POU6F2: variants seen among roughly 807,000 people sequenced by gnomAD.
The protein encoded by POU6F2 is POU domain, class 6, transcription factor 2.
Under a neutral mutation model 71.3 loss-of-function variants are expected in POU6F2, and 31 were observed. That is an observed-to-expected ratio of 0.43 (90% confidence interval 0.33 to 0.59). The LOEUF is 0.59. POU6F2 is among the 20% of genes least tolerant of loss of function. The pLI is 0.04. For synonymous variants in POU6F2, 347 were observed against 355.7 expected (o/e 0.98, Z 0.27); for missense variants, 783 against 856.8 (o/e 0.91, Z 1.07).
chr7:39,052,656 C>T (rs917317770), intron 1 of POU6F2, among the ~76,000 whole-genome samples: 1 of 152,028 alleles, frequency 6.6e-6, no homozygotes, highest in African/African-American at 2.4e-5. Flanking sequence ...GACACAGAGC[C>T]AAACCGTATC....
intron 1 of POU6F2, among the ~76,000 whole-genome samples, chr7:39,003,071 T>C (rs1788957899): frequency 6.6e-6 from 1 of 152,212 alleles, no homozygotes; most frequent in African/African-American, 2.4e-5. Context: ...GAATCTCAGT[T>C]ATTTAGTTAA....
At chr7:39,391,192 C>A (rs184899570) in intron 5 of POU6F2, among the ~76,000 whole-genome samples, 126 of 152,130 alleles carry the variant, frequency 8.3e-4, no homozygotes, top group South Asian at 1.7e-3. Flanking sequence ...TTTCTTGAAA[C>A]CTCTGATGAC....
At chr7:39,246,933 C>T (rs1783832190) in intron 4 of POU6F2, among the ~76,000 whole-genome samples, 1 of 73,346 alleles carries the variant, frequency 1.4e-5, no homozygotes, top group Non-Finnish European at 2.3e-5. Flanking sequence ...TTTTTTGCGA[C>T]GGAGTTTTGT....
chr7:39,221,233 A>G (rs1211038073), intron 4 of POU6F2, among the ~76,000 whole-genome samples: 1 of 152,038 alleles, frequency 6.6e-6, no homozygotes, highest in African/African-American at 2.4e-5. Context: ...TAAATTGTGG[A>G]CCTTCAAGCA....
intron 4 of POU6F2, among the ~76,000 whole-genome samples, chr7:39,248,758 C>A (rs1429883006): frequency 6.6e-6 from 1 of 152,162 alleles, no homozygotes; most frequent in African/African-American, 2.4e-5. Flanking sequence ...AATTTAGAGA[C>A]TAAACTACTT....
At chr7:39,379,739 T>G (rs1472700636) in intron 5 of POU6F2, among the ~76,000 whole-genome samples, 1 of 152,190 alleles carries the variant, frequency 6.6e-6, no homozygotes, top group East Asian at 1.9e-4. Flanking sequence ...CTCATCGTTT[T>G]CCCATCCTGC....
intron 4 of POU6F2, among the ~76,000 whole-genome samples, chr7:39,233,515 G>A (rs1012496153): frequency 2.0e-5 from 3 of 152,096 alleles, no homozygotes; most frequent in African/African-American, 4.8e-5. Flanking sequence ...GGTCTGTCCC[G>A]AGGCTGATCT....
chr7:39,015,135 A>G lies in POU6F2; in HGVS notation c.105+37077A>G, dbSNP rs545837503. ...GGAGCAGAATTTTAAAAATATATCA[A>G]TGCCTAACAATTTCTTATTCTTAGA... is the stretch of plus-strand genomic sequence containing the variant. On this transcript the variant is annotated intron_variant, in intron 1 of 9. Transcript: ENST00000518318. 3.3e-5 allele frequency among the ~76,000 whole-genome samples: 5 copies of G among 151,084 alleles called. No individual in the cohort carries two copies. The East Asian group carries it at 7.7e-4, about 23-fold the overall frequency.
At chr7:39,085,772 GAA>G (rs2128720861) in intron 1 of POU6F2, 86 bp from the exon 2 acceptor site, 2 of 1,308,812 alleles carry the variant, frequency 1.5e-6, no homozygotes, top group East Asian at 2.5e-5. Context: ...GAGAGAGAGA[GAA>G]GAGAGAGGGA....
rs1015406699 is a variant in POU6F2, at chr7:39,236,415, G to T, written c.598+28795G>T. On this transcript the variant is annotated intron_variant, in intron 4 of 9. Transcript: ENST00000518318. ...GTATTCCTGCCTTCAGATTGTGTTT[G>T]CATTTTTTTTCTCATCTTTGTGGTT... Among the ~76,000 whole-genome samples, 6 of 152,060 alleles carry T rather than the reference G, an allele frequency of 3.9e-5. No homozygotes were observed. The East Asian group carries it at 1.2e-3, about 29-fold the overall frequency.
At chr7:39,195,611 C>G (rs1387247615) in intron 2 of POU6F2, among the ~76,000 whole-genome samples, 1 of 151,112 alleles carries the variant, frequency 6.6e-6, no homozygotes, top group Non-Finnish European at 1.5e-5. Flanking sequence ...CTTTAGGCTT[C>G]GGTTTCCAGT....
chr7:39,309,449 A>G (rs945706824), intron 4 of POU6F2, among the ~76,000 whole-genome samples: 2 of 152,118 alleles, frequency 1.3e-5, no homozygotes, highest in African/African-American at 2.4e-5. Context: ...GGTGAAGGAA[A>G]CCCTCAAATA....
chr7:39,304,125 TA>T (rs1261602812), intron 4 of POU6F2, among the ~76,000 whole-genome samples: 4 of 152,146 alleles, frequency 2.6e-5, no homozygotes, highest in Non-Finnish European at 5.9e-5. Context: ...TGTAAAAATG[TA>T]AAAGAACTTT....
chr7:39,425,662 TCTG>T (rs1416313658), intron 6 of POU6F2, among the ~76,000 whole-genome samples: 2 of 152,186 alleles, frequency 1.3e-5, no homozygotes, highest in Non-Finnish European at 2.9e-5. Flanking sequence ...GAAAATATAT[TCTG>T]CTCACAATTT....
intron 7 of POU6F2, among the ~76,000 whole-genome samples, chr7:39,447,284 C>T (rs1788547244): frequency 6.6e-6 from 1 of 152,140 alleles, no homozygotes; most frequent in Admixed American, 6.5e-5. Flanking sequence ...GGCTGATCAA[C>T]TTGAAAGTGT....
chr7:39,163,939 T>C (rs1793054202), intron 2 of POU6F2, among the ~76,000 whole-genome samples: 1 of 152,118 alleles, frequency 6.6e-6, no homozygotes, highest in African/African-American at 2.4e-5. Flanking sequence ...GGGAGAGGGA[T>C]GAAGTCCGGG....
At chr7:39,205,266 G>A (rs529051252) in intron 3 of POU6F2, among the ~76,000 whole-genome samples, 124 of 152,146 alleles carry the variant, frequency 8.2e-4, no homozygotes, top group Middle Eastern at 3.4e-3. Context: ...GGTGTCATAC[G>A]CTTTATAATT....
intron 2 of POU6F2, among the ~76,000 whole-genome samples, chr7:39,096,216 T>A (rs528802178): frequency 1.3e-5 from 2 of 152,272 alleles, no homozygotes; most frequent in East Asian, 3.9e-4. Flanking sequence ...CCCATAAAAG[T>A]GTGGCATGTA....
At chr7:39,317,991 G>A (rs1455765046) in intron 4 of POU6F2, among the ~76,000 whole-genome samples, 2 of 151,988 alleles carry the variant, frequency 1.3e-5, no homozygotes, top group Non-Finnish European at 2.9e-5. Flanking sequence ...CCCTTTCTTC[G>A]CAGCCTGACT....
Sources: allele counts gnomAD v4.1 joint callset (sites outside exome capture counted in the v4.1 genomes callset), GRCh38; gene constraint gnomAD v4.1.1; transcripts MANE v1.5; gene names NCBI Gene and HGNC (gene_info 2026-07-23, HGNC 2026-07-21).